Variants in MSRA observed in about 807,000 individuals in gnomAD.
The protein encoded by MSRA is methionine sulfoxide reductase A.
Under a neutral mutation model 31.3 loss-of-function variants are expected in MSRA, and 54 were observed. That is an observed-to-expected ratio of 1.73 (90% CI 1.39 to 2.17). MSRA has a LOEUF of 2.17. Among genes scored for constraint, MSRA ranks in the 30% most tolerant of loss-of-function variants. MSRA has a pLI of 0.00. For missense variants in MSRA, 507 were observed against 300.9 expected, an observed-to-expected ratio of 1.69 and a Z score of -5.07; for synonymous variants, 169 against 116.5, an observed-to-expected ratio of 1.45 and a Z score of -2.90.
chr8:10,230,082 A>G (rs527928267), intron 2 of MSRA, among the ~76,000 whole-genome samples: 1 of 152,346 alleles, frequency 6.6e-6, no homozygotes, highest in Non-Finnish European at 1.5e-5. Flanking sequence ...CCACCCGAGG[A>G]GCCTCATACG....
intron 4 of MSRA, among the ~76,000 whole-genome samples, chr8:10,315,032 A>G (rs750700962): frequency 8.5e-5 from 13 of 152,212 alleles, no homozygotes; most frequent in Non-Finnish European, 1.9e-4. Context: ...AAGGAGGAGC[A>G]AAGGCACATC....
chr8:10,054,614 C>G lies in MSRA; in HGVS notation c.98C>G (p.Pro33Arg), dbSNP rs373144905. Residue 33 changes from proline to arginine, a missense_variant, in exon 1 of 6, where the codon CCC becomes CGC. Pro to Arg is a moderately radical substitution (Grantham distance 103). Transcript: ENST00000317173. ...MGNSASNIVS[P>R]QEALPGRKEQ... ...AACTCGGCCTCGAACATCGTCAGCCCCCAGGAGGCCTTGCCGGGCCGGAAG... is the reference window on the plus strand; with the variant it reads ...AACTCGGCCTCGAACATCGTCAGCCGCCAGGAGGCCTTGCCGGGCCGGAAG... 2.5e-6 allele frequency: 4 copies of G among 1,577,548 alleles called. No individual in the cohort carries two copies. Among genetic ancestry groups the G allele is most frequent in the African/African-American group, 1.4e-5 (1 of 71,400 alleles).
chr8:10,332,373 A>C (rs1206441634), intron 5 of MSRA, among the ~76,000 whole-genome samples: 1 of 152,158 alleles, frequency 6.6e-6, no homozygotes, highest in African/African-American at 2.4e-5. Context: ...CTTTTGTTTA[A>C]AGCATGAAGT....
At chr8:10,141,147 C>G (rs1454351298) in intron 1 of MSRA, among the ~76,000 whole-genome samples, 2 of 152,176 alleles carry the variant, frequency 1.3e-5, no homozygotes, top group Non-Finnish European at 2.9e-5. Flanking sequence ...CCACTGGCCA[C>G]CAGCGTAGAC....
chr8:10,265,125 G>T (rs572356803), intron 3 of MSRA, among the ~76,000 whole-genome samples: 1 of 152,338 alleles, frequency 6.6e-6, no homozygotes, highest in Admixed American at 6.5e-5. Context: ...TTCAGGTGGT[G>T]TTTTACCAAA....
rs1001843024 is a variant in MSRA, at chr8:10,054,799, A to G, written c.142+141A>G. On this transcript the variant is annotated intron_variant, in intron 1 of 5. Transcript: ENST00000317173. ...CGGGGTGGGGGTCTGCGCAGGCGCG[A>G]AGGGGCGCCGGCAGTGGCCGGGGAG... 22 of 950,720 alleles carry G rather than the reference A, an allele frequency of 2.3e-5. No homozygotes were observed. In the African/African-American group the frequency reaches 3.3e-4, roughly 14 times the overall value. 58.9% of individuals were successfully genotyped at this position (950,720 alleles called of 1,614,324 possible).
intron 1 of MSRA, among the ~76,000 whole-genome samples, chr8:10,146,842 T>C (rs1267936591): frequency 6.6e-6 from 1 of 152,194 alleles, no homozygotes; most frequent in Non-Finnish European, 1.5e-5. Context: ...GGTGGGGCTT[T>C]ATCTTAGCCT....
chr8:10,329,066 T>G (rs1310554601), intron 5 of MSRA, among the ~76,000 whole-genome samples: 1 of 152,214 alleles, frequency 6.6e-6, no homozygotes, highest in Non-Finnish European at 1.5e-5. Context: ...ACAACATTAT[T>G]TGGTAGGATT....
At chr8:10,088,189 C>A (rs1234379079) in intron 1 of MSRA, among the ~76,000 whole-genome samples, 1 of 152,164 alleles carries the variant, frequency 6.6e-6, no homozygotes, top group Non-Finnish European at 1.5e-5. Context: ...CCCCATGCTA[C>A]CATCTGTAAC....
intron 1 of MSRA, among the ~76,000 whole-genome samples, chr8:10,130,281 C>G (rs185695200): frequency 6.6e-6 from 1 of 152,332 alleles, no homozygotes; most frequent in East Asian, 1.9e-4. Context: ...GCTCATTATT[C>G]TATCATACAG....
chr8:10,335,182 G>A (rs1363387162), intron 5 of MSRA, among the ~76,000 whole-genome samples: 3 of 150,884 alleles, frequency 2.0e-5, no homozygotes, highest in Admixed American at 2.0e-4. Flanking sequence ...AGCAGGTGAA[G>A]GACAAAAGCA....
At chr8:10,294,233 G>T (rs1213589808) in intron 3 of MSRA, among the ~76,000 whole-genome samples, 3 of 152,060 alleles carry the variant, frequency 2.0e-5, no homozygotes, top group Non-Finnish European at 4.4e-5. Context: ...TTTTTAAAAA[G>T]AATCATTTTG....
intron 5 of MSRA, among the ~76,000 whole-genome samples, chr8:10,417,793 C>CGTGTGT (rs1394839720): frequency 9.3e-5 from 6 of 64,322 alleles, no homozygotes; most frequent in South Asian, 4.8e-4. Context: ...TGTACACGCA[C>CGTGTGT]GTGTGCACAC....
intron 2 of MSRA, among the ~76,000 whole-genome samples, chr8:10,217,668 C>A (rs1488762773): frequency 6.6e-6 from 1 of 152,110 alleles, no homozygotes; most frequent in African/African-American, 2.4e-5. Context: ...TCTATCCTAG[C>A]ATATTTAAAG....
intron 5 of MSRA, among the ~76,000 whole-genome samples, chr8:10,366,592 ATCTCCCTTTGGAAGCGTTC>A (rs1805179955): frequency 6.6e-6 from 1 of 152,184 alleles, no homozygotes; most frequent in Non-Finnish European, 1.5e-5. Context: ...AGAGAGTGGC[ATCTCCCTTTGGAAGCGTTC>A]TCTCACCCCC....
intron 1 of MSRA, among the ~76,000 whole-genome samples, chr8:10,142,390 A>T (rs1490506822): frequency 6.6e-6 from 1 of 152,226 alleles, no homozygotes; most frequent in Non-Finnish European, 1.5e-5. Flanking sequence ...AGAGCTGGCA[A>T]GTGATGGAGA....
At chr8:10,082,256 G>A (rs903510740) in intron 1 of MSRA, among the ~76,000 whole-genome samples, 1 of 152,048 alleles carries the variant, frequency 6.6e-6, no homozygotes, top group Non-Finnish European at 1.5e-5. Context: ...TACAAAACCT[G>A]ACCCATAACA....
intron 3 of MSRA, among the ~76,000 whole-genome samples, chr8:10,289,396 A>G (rs1800111914): frequency 6.6e-6 from 1 of 152,028 alleles, no homozygotes; most frequent in Non-Finnish European, 1.5e-5. Context: ...GTATCAAGAT[A>G]GTGGGTATAT....
At chr8:10,314,332 A>T (rs1801598769) in intron 4 of MSRA, among the ~76,000 whole-genome samples, 1 of 152,094 alleles carries the variant, frequency 6.6e-6, no homozygotes, top group Non-Finnish European at 1.5e-5. Flanking sequence ...ATTTTTTTTT[A>T]GAAAAGACAG....
Sources: allele counts gnomAD v4.1 joint callset (sites outside exome capture counted in the v4.1 genomes callset), GRCh38; gene constraint gnomAD v4.1.1; transcripts MANE v1.5; gene names NCBI Gene and HGNC (gene_info 2026-07-23, HGNC 2026-07-21).